The following RSPH3 variants were observed in gnomAD, a reference collection of about 807,000 sequenced individuals.
The protein encoded by RSPH3 is radial spoke head protein 3 homolog.
Under a neutral mutation model 43.8 loss-of-function variants are expected in RSPH3, and 21 were observed. The ratio of observed to expected loss-of-function variants is 0.48; its 90% CI spans 0.34 to 0.69. The LOEUF is 0.69. Ranked by LOEUF, RSPH3 falls within the 30% of genes least tolerant of loss-of-function variation. The probability of loss-of-function intolerance (pLI) is 0.01; values close to 1 mark genes in which losing one functional copy is unlikely to be tolerated. For missense variants in RSPH3, 487 were observed against 516.0 expected (o/e 0.94, Z 0.54); for synonymous variants, 173 against 179.8 (o/e 0.96, Z 0.30).
intron 2 of RSPH3, chr6:158,990,305 T>G (rs1778364805): frequency 6.6e-6 from 1 of 152,216 alleles, no homozygotes; most frequent in Admixed American, 6.5e-5. Context: ...CGTCTGATTC[T>G]CCTACCATCT....
At chr6:158,986,043 T>C in intron 3 of RSPH3, among the ~76,000 whole-genome samples, 1 of 152,300 alleles carries the variant, frequency 6.6e-6, no homozygotes, top group East Asian at 1.9e-4. Flanking sequence ...CTCGAACTCC[T>C]GACCTCAGGC....
intron 1 of RSPH3, among the ~76,000 whole-genome samples, chr6:158,997,053 C>G (rs1168078202): frequency 6.6e-6 from 1 of 152,072 alleles, no homozygotes; most frequent in Non-Finnish European, 1.5e-5. Flanking sequence ...TCCTGTTTGG[C>G]CACTTCCCAC....
intron 3 of RSPH3, among the ~76,000 whole-genome samples, chr6:158,985,746 A>C (rs117707969): frequency 0.018 from 2,673 of 150,374 alleles, 32 homozygotes; most frequent in Middle Eastern, 0.025. Context: ...TTTAAACCCC[A>C]TCCCAGACTT....
intron 3 of RSPH3, among the ~76,000 whole-genome samples, chr6:158,984,023 A>T (rs1356713926): frequency 1.3e-5 from 2 of 151,876 alleles, no homozygotes; most frequent in East Asian, 3.9e-4. Flanking sequence ...GGTCCCAGCC[A>T]CTCGGGAGGC....
chr6:158,985,993 T>C (rs1031143995), intron 3 of RSPH3, among the ~76,000 whole-genome samples: 1 of 151,930 alleles, frequency 6.6e-6, no homozygotes. Context: ...TTTGTATTTT[T>C]AGTAGAGATG....
At chr6:158,990,590 A>G (rs1338662775) in intron 2 of RSPH3, 1 of 152,108 alleles carries the variant, frequency 6.6e-6, no homozygotes, top group Non-Finnish European at 1.5e-5. Flanking sequence ...ATCCACTGCC[A>G]TTTAAATCAT....
chr6:158,979,852 GGCTGAGCA>G (rs1341987828), intron 6 of RSPH3, among the ~76,000 whole-genome samples: 2 of 152,124 alleles, frequency 1.3e-5, no homozygotes, highest in African/African-American at 4.8e-5. Context: ...CCTTTCCACT[GGCTGAGCA>G]GCTAGGAACG....
chr6:158,971,925 A>G (rs1006854485), downstream of RSPH3, among the ~76,000 whole-genome samples: 1 of 152,190 alleles, frequency 6.6e-6, no homozygotes, highest in Admixed American at 6.5e-5. Flanking sequence ...AAGTAATAGT[A>G]ACCAGGATGG....
rs1164216163 is a variant in RSPH3, at chr6:158,984,473, T to TATATATATATA, written c.347-667_347-666insTATATATATAT. On this transcript the variant is annotated intron_variant, in intron 3 of 7. Transcript: ENST00000367069. ...ATATATATATATATATATATATATA[T>TATATATATATA]ATTTGAGTCCTAAGATAGTAAACAT... 1.4e-3 allele frequency among the ~76,000 whole-genome samples: 180 copies of TATATATATATA among 128,426 alleles called. 7 individuals carry two copies. Among genetic ancestry groups the TATATATATATA allele is most frequent in the African/African-American group, 5.1e-3 (172 of 33,674 alleles). 84.3% of individuals were successfully genotyped at this position (128,426 alleles called of 152,430 possible).
intron 2 of RSPH3, among the ~76,000 whole-genome samples, chr6:158,987,440 A>T (rs2128608305): frequency 6.6e-6 from 1 of 152,276 alleles, no homozygotes; most frequent in African/African-American, 2.4e-5. Context: ...TTTTAATTGG[A>T]GAACCGAGTC....
chr6:158,994,482 T>C (rs1424068648), intron 1 of RSPH3, among the ~76,000 whole-genome samples: 2 of 152,118 alleles, frequency 1.3e-5, no homozygotes, highest in Non-Finnish European at 2.9e-5. Context: ...TGAAACGCTG[T>C]CTCTACTAAA....
chr6:158,969,790 C>A (rs2128603521), downstream of RSPH3, among the ~76,000 whole-genome samples: 1 of 152,284 alleles, frequency 6.6e-6, no homozygotes, highest in Non-Finnish European at 1.5e-5. Context: ...GCTATTAAGG[C>A]CCTGAAGAAA....
At position 158,999,889 on chromosome 6, in the gene RSPH3, T is replaced by C. The variant is rs537001972; in HGVS notation, c.-339A>G. On this transcript the variant is annotated 5_prime_UTR_variant, in exon 1 of 8. Coordinates refer to ENST00000367069, the MANE Select transcript of RSPH3 (RefSeq NM_031924.8). ...GCACAAGGGACTTCCGGCTCTTGAC[T>C]CCGCCCAGCCGCGCCACCCAGGTAG... The C allele has an allele frequency of 1.9e-6, 3 of 1,613,328 alleles. No individual in the cohort carries two copies. The Admixed American group carries it at 5.0e-5, about 27-fold the overall frequency.
intron 2 of RSPH3, among the ~76,000 whole-genome samples, chr6:158,987,317 T>C (rs950356781): frequency 6.6e-6 from 1 of 152,194 alleles, no homozygotes; most frequent in Non-Finnish European, 1.5e-5. Context: ...GCATGGAAAA[T>C]CTTTTTCCAT....
Position 159,000,054 on chromosome 6 carries a change from C to T in RSPH3, c.-504G>A. On this transcript the variant is annotated 5_prime_UTR_variant, in exon 1 of 8. An upstream start codon of the reference 5' UTR is lost. Coordinates refer to ENST00000367069, the MANE Select transcript of RSPH3 (RefSeq NM_031924.8). ...GGCTTTGCAGGGCTGGTGTTGGCGC[C>T]ATTCTCGCAGGCCCACGTGCTCCTG... is the stretch of plus-strand genomic sequence containing the variant. 1 of 1,415,802 alleles carries T rather than the reference C, an allele frequency of 7.1e-7. No homozygotes were observed. The highest frequency in any genetic ancestry group is 9.5e-7 in the Non-Finnish European group (1 of 1,057,706). The allele number at this position is 1,415,802 out of a possible 1,614,324, so 87.7% of individuals were successfully genotyped here. A position where few individuals can be genotyped will look rare whatever the true frequency, so the allele number is the denominator to read the frequency against.
intron 2 of RSPH3, among the ~76,000 whole-genome samples, chr6:158,991,794 T>C (rs1461754705): frequency 6.6e-6 from 1 of 152,198 alleles, no homozygotes; most frequent in Non-Finnish European, 1.5e-5. Context: ...GAAGTGTATA[T>C]ACATACATAC....
chr6:158,999,280 C>A (rs1778762052), intron 1 of RSPH3, among the ~76,000 whole-genome samples, 155 bp downstream of exon 1: 1 of 146,868 alleles, frequency 6.8e-6, no homozygotes, highest in Non-Finnish European at 1.5e-5. Context: ...TCCTCCACAC[C>A]ACGGGAGATT....
intron 4 of RSPH3, 68 bp from the exon 5 acceptor site, chr6:158,982,756 T>C: frequency 9.5e-7 from 1 of 1,052,324 alleles, no homozygotes; most frequent in Non-Finnish European, 1.4e-6. Flanking sequence ...AAAAATATAA[T>C]GAATAGCAAT....
Position 158,986,316 on chromosome 6 carries a change from G to T in RSPH3, c.310C>A (p.Pro104Thr). The T allele has an allele frequency of 6.2e-7, 1 of 1,614,122 alleles. No homozygotes were observed. Residue 104 changes from proline (P) to threonine (T), a missense_variant, in exon 3 of 8, where the codon CCT (proline) becomes ACT (threonine). By Grantham distance (38) the Pro-to-Thr change is conservative (BLOSUM62 -1). Coordinates refer to ENST00000367069, the MANE Select transcript of RSPH3 (RefSeq NM_031924.8). The stretch of plus-strand genomic sequence containing the variant: ...TCGACATGCTTTCTGCCTTCCACAG[G>T]TTCAGGTGTTTGTGGTCTGAGCTGC... The part of the protein sequence containing the change: ...QEQLRPQTPE[P>T]VEGRKHVDVQ...
Sources: allele counts gnomAD v4.1 joint callset (sites outside exome capture counted in the v4.1 genomes callset), GRCh38; gene constraint gnomAD v4.1.1; transcripts MANE v1.5; gene names NCBI Gene and HGNC (gene_info 2026-07-23, HGNC 2026-07-21).